The following TMEFF2 variants were observed in gnomAD, a reference collection of about 807,000 sequenced individuals.
The protein encoded by TMEFF2 is tomoregulin-2.
In TMEFF2, 28 loss-of-function variants were observed where a neutral mutation model predicts 53.8. That is an observed-to-expected ratio of 0.52 (90% confidence interval 0.39 to 0.71). TMEFF2 has a LOEUF of 0.71. Ranked by LOEUF, TMEFF2 falls within the 30% of genes least tolerant of loss-of-function variation. The pLI is 0.00. For synonymous variants in TMEFF2, 162 were observed against 166.3 expected (o/e 0.97, Z 0.20); for missense variants, 353 against 455.2 (o/e 0.78, Z 2.04).
In TMEFF2 at chr2:192,075,287, A is replaced by T. The variant is rs1034963099; in HGVS notation, c.440-17512T>A. Among the ~76,000 whole-genome samples, 42 of 20,758 alleles carry T rather than the reference A, an allele frequency of 2.0e-3. 1 individual carries two copies. The highest frequency in any genetic ancestry group is 5.1e-3 in the African/African-American group (19 of 3,692). The allele number at this position is 20,758 out of a possible 152,430, so 13.6% of individuals were successfully genotyped here. On this transcript the variant is annotated intron_variant, in intron 4 of 9. Transcript: ENST00000272771. ...ATTATACCCAGAGTACAGTACTATTATATATATATATATATATATATATAT... is the reference window on the plus strand; with the variant it reads ...ATTATACCCAGAGTACAGTACTATTTTATATATATATATATATATATATAT...
At chr2:192,175,963 A>T (rs1559158130) in intron 4 of TMEFF2, among the ~76,000 whole-genome samples, 1 of 151,454 alleles carries the variant, frequency 6.6e-6, no homozygotes, top group African/African-American at 2.4e-5. Flanking sequence ...ACTTATAGAG[A>T]AAAGCAGGGG....
intron 2 of TMEFF2, among the ~76,000 whole-genome samples, chr2:192,184,763 T>A (rs185835386): frequency 6.6e-6 from 1 of 152,054 alleles, no homozygotes; most frequent in Non-Finnish European, 1.5e-5. Flanking sequence ...AATAAAGATA[T>A]AGGAATAAAT....
intron 3 of TMEFF2, among the ~76,000 whole-genome samples, chr2:192,180,652 A>G (rs1392376276): frequency 1.3e-5 from 2 of 151,634 alleles, no homozygotes; most frequent in African/African-American, 4.8e-5. Context: ...ACCAAATGCC[A>G]CTCTTAAGAA....
chr2:192,106,556 AATT>A (rs1689154430), intron 4 of TMEFF2, among the ~76,000 whole-genome samples: 1 of 151,592 alleles, frequency 6.6e-6, no homozygotes, highest in South Asian at 2.1e-4. Flanking sequence ...CCCATGTGTT[AATT>A]ATTTTCTTTA....
chr2:192,095,871 G>A (rs1688891626), intron 4 of TMEFF2, among the ~76,000 whole-genome samples: 1 of 152,154 alleles, frequency 6.6e-6, no homozygotes, highest in Non-Finnish European at 1.5e-5. Context: ...TAAAATGTAT[G>A]TAAGAGAAGT....
At chr2:192,147,775 A>C (rs908926131) in intron 4 of TMEFF2, among the ~76,000 whole-genome samples, 5 of 152,070 alleles carry the variant, frequency 3.3e-5, no homozygotes, top group Non-Finnish European at 2.9e-5. Flanking sequence ...CATGATAGCC[A>C]TTAGCTATTG....
In TMEFF2 at chr2:191,978,841, T is replaced by TA. The variant is rs1408011604; in HGVS notation, c.745+19420dup. 9.2e-5 allele frequency among the ~76,000 whole-genome samples: 14 copies of TA among 152,296 alleles called. No homozygotes were observed. In the East Asian group the frequency reaches 2.7e-3, roughly 29 times the overall value. ...TAATTTATTAAGATTTTTTTCTTCTTATGGTGAATTCCGTAGCCTCAACTT... is the reference window on the plus strand; with the variant it reads ...TAATTTATTAAGATTTTTTTCTTCTTAATGGTGAATTCCGTAGCCTCAACTT... On this transcript the variant is annotated intron_variant, in intron 7 of 9. Transcript: ENST00000272771.
chr2:192,059,487 AGCTGCT>A (rs1379389663), intron 4 of TMEFF2, among the ~76,000 whole-genome samples: 6 of 152,168 alleles, frequency 3.9e-5, no homozygotes, highest in African/African-American at 7.2e-5. Context: ...GCAACACAGA[AGCTGCT>A]AATGGGAGAA....
intron 4 of TMEFF2, among the ~76,000 whole-genome samples, chr2:192,153,829 T>G (rs1690444558): frequency 6.6e-6 from 1 of 151,836 alleles, no homozygotes; most frequent in African/African-American, 2.4e-5. Flanking sequence ...CAAATAGGGA[T>G]GAGATGGCTG....
chr2:191,953,559 A>T, intron 9 of TMEFF2, 120 bp downstream of exon 9: 1 of 1,046,986 alleles, frequency 9.6e-7, no homozygotes, highest in Non-Finnish European at 1.4e-6. Flanking sequence ...AGGACATAGG[A>T]CTCATAGAGA....
chr2:192,105,787 T>C (rs1008243472), intron 4 of TMEFF2, among the ~76,000 whole-genome samples: 1 of 151,984 alleles, frequency 6.6e-6, no homozygotes, highest in Non-Finnish European at 1.5e-5. Flanking sequence ...TCCAACTGCA[T>C]TTTCTTTATC....
intron 2 of TMEFF2, among the ~76,000 whole-genome samples, chr2:192,186,329 A>G (rs978505312): frequency 2.0e-5 from 3 of 152,274 alleles, no homozygotes; most frequent in Non-Finnish European, 4.4e-5. Context: ...AGAAGGCAGG[A>G]GCAAAATGCC....
chr2:192,088,968 A>G (rs1453095658), intron 4 of TMEFF2, among the ~76,000 whole-genome samples: 1 of 152,152 alleles, frequency 6.6e-6, no homozygotes, highest in Non-Finnish European at 1.5e-5. Flanking sequence ...ATAAATATCA[A>G]TAAACTCTTT....
At chr2:192,167,022 T>C (rs1270588436) in intron 4 of TMEFF2, among the ~76,000 whole-genome samples, 1 of 152,094 alleles carries the variant, frequency 6.6e-6, no homozygotes, top group Non-Finnish European at 1.5e-5. Context: ...GGCATCAAAA[T>C]ATGTTGCTTT....
intron 4 of TMEFF2, among the ~76,000 whole-genome samples, chr2:192,117,477 CA>C (rs1311922419): frequency 6.6e-6 from 1 of 151,978 alleles, no homozygotes; most frequent in Non-Finnish European, 1.5e-5. Context: ...AAAGGAAAAA[CA>C]ATGAGTGAGA....
intron 7 of TMEFF2, among the ~76,000 whole-genome samples, chr2:191,958,133 G>A (rs979656625): frequency 5.3e-5 from 8 of 152,182 alleles, no homozygotes; most frequent in Admixed American, 4.6e-4. Flanking sequence ...TTCTGTGCCA[G>A]GGCCGGGGGC....
At chr2:192,019,126 C>T (rs1686805951) in intron 5 of TMEFF2, among the ~76,000 whole-genome samples, 1 of 151,894 alleles carries the variant, frequency 6.6e-6, no homozygotes, top group African/African-American at 2.4e-5. Context: ...ATTAGACTGC[C>T]ACTATCGCAA....
chr2:192,194,432 G>A lies in TMEFF2; in HGVS notation c.93C>T (p.Ile31=). ...WLLLLPVMLL[I]VARPVKLAAF... is the part of the protein sequence containing the mutation. ...CAGCGAGCTTCACCGGGCGGGCTAC[G>A]ATGAGTAGCATGACGGGCAGCAGCA... Residue 31 remains isoleucine (I), a synonymous_variant, in exon 1 of 10, where the codon ATC becomes ATT. Coordinates refer to ENST00000272771, the MANE Select transcript of TMEFF2 (RefSeq NM_016192.4). This position sits in a 1 kb window ranked among gnomAD's most constrained non-coding sequence, Gnocchi z 4.2. The A allele has an allele frequency of 7.4e-6, 12 of 1,614,184 alleles. No homozygotes were observed. Among genetic ancestry groups the A allele is most frequent in the Non-Finnish European group, 1.0e-5 (12 of 1,180,028 alleles).
At chr2:192,067,486 A>G (rs1389340201) in intron 4 of TMEFF2, among the ~76,000 whole-genome samples, 1 of 151,872 alleles carries the variant, frequency 6.6e-6, no homozygotes, top group Non-Finnish European at 1.5e-5. Flanking sequence ...ACAAGGAAAA[A>G]GATGTGAAAT....
Sources: allele counts gnomAD v4.1 joint callset (sites outside exome capture counted in the v4.1 genomes callset), GRCh38; gene constraint gnomAD v4.1.1; non-coding constraint Gnocchi (gnomAD v3.1); transcripts MANE v1.5; gene names NCBI Gene and HGNC (gene_info 2026-07-23, HGNC 2026-07-21).